CTDSPL2: variants seen among roughly 807,000 people sequenced by gnomAD.
CTDSPL2 encodes the protein CTD small phosphatase-like protein 2.
In CTDSPL2, 5 loss-of-function variants were observed where a neutral mutation model predicts 60.0. That is an observed-to-expected ratio of 0.08 (90% CI 0.04 to 0.18). CTDSPL2 has a LOEUF of 0.18. Ranked by LOEUF, CTDSPL2 falls within the 10% of genes least tolerant of loss-of-function variation. The pLI is 1.00. For synonymous variants in CTDSPL2, 186 were observed against 189.3 expected (o/e 0.98, Z 0.14); for missense variants, 370 against 548.8 (o/e 0.67, Z 3.26).
At chr15:44,485,503 C>G (rs951660718) in intron 3 of CTDSPL2, among the ~76,000 whole-genome samples, 2 of 152,166 alleles carry the variant, frequency 1.3e-5, no homozygotes, top group African/African-American at 4.8e-5. Context: ...ATCGCACAAC[C>G]TAGATCCCTT....
intron 10 of CTDSPL2, among the ~76,000 whole-genome samples, chr15:44,516,238 C>T (rs1395113777): frequency 6.6e-6 from 1 of 151,988 alleles, no homozygotes; most frequent in South Asian, 2.1e-4. Context: ...AAACTGCTGG[C>T]ATTACAGGCG....
chr15:44,470,871 C>T (rs1055148142), intron 2 of CTDSPL2, among the ~76,000 whole-genome samples: 1 of 151,988 alleles, frequency 6.6e-6, no homozygotes, highest in Non-Finnish European at 1.5e-5. Context: ...CCTTTCCTGT[C>T]ATTTGAGTGA....
At chr15:44,463,114 C>G (rs190969833) in intron 2 of CTDSPL2, among the ~76,000 whole-genome samples, 1 of 152,014 alleles carries the variant, frequency 6.6e-6, no homozygotes, top group Admixed American at 6.6e-5. Flanking sequence ...TACATAAGAT[C>G]GGGCAAAAAT....
At position 44,467,191 on chromosome 15, in the gene CTDSPL2, C is replaced by A. The variant is rs141956604; in HGVS notation, c.186+7991C>A. On this transcript the variant is annotated intron_variant, in intron 2 of 12. Coordinates refer to ENST00000260327, the MANE Select transcript of CTDSPL2 (RefSeq NM_016396.3). ...GCACATAGCACCCAGATCTTGGTTT[C>A]TAAATACTGTTCTCCACTAAAGGAA... Among the ~76,000 whole-genome samples, 461 of 152,322 alleles carry A rather than the reference C, an allele frequency of 3.0e-3. 2 individuals carry two copies. Among genetic ancestry groups the A allele is most frequent in the African/African-American group, 0.01 (435 of 41,558 alleles).
At chr15:44,488,132 G>A (rs1283263729) in intron 4 of CTDSPL2, among the ~76,000 whole-genome samples, 2 of 151,270 alleles carry the variant, frequency 1.3e-5, no homozygotes, top group Non-Finnish European at 3.0e-5. Flanking sequence ...AAAAGAAAAA[G>A]GAATAAAGAA....
intron 3 of CTDSPL2, 50 bp downstream of exon 3, chr15:44,484,412 A>T (rs1369908324): frequency 6.6e-7 from 1 of 1,516,832 alleles, no homozygotes; most frequent in Non-Finnish European, 9.1e-7. Context: ...CAGAGATCTC[A>T]CCTGACACAT....
chr15:44,500,818 GATTT>G (rs1283019168), intron 8 of CTDSPL2, among the ~76,000 whole-genome samples: 1 of 152,118 alleles, frequency 6.6e-6, no homozygotes, highest in African/African-American at 2.4e-5. Context: ...GTTGTAAGAG[GATTT>G]ATTTTAGTTG....
chr15:44,434,385 C>G (rs2079930112), intron 1 of CTDSPL2, among the ~76,000 whole-genome samples: 2 of 151,960 alleles, frequency 1.3e-5, no homozygotes, highest in African/African-American at 4.8e-5. Context: ...GACGGCAGAG[C>G]AAGACTCAGT....
intron 2 of CTDSPL2, among the ~76,000 whole-genome samples, chr15:44,470,224 C>T (rs977834400): frequency 6.8e-6 from 1 of 147,564 alleles, no homozygotes; most frequent in African/African-American, 2.6e-5. Flanking sequence ...TTGTCTACTT[C>T]ATTATCTGTC....
Position 44,525,477 on chromosome 15 carries a change from C to T in CTDSPL2, c.*1303C>T, listed in dbSNP as rs1489123958. ...TTGTAAAAGTTCGTATGCTTTGCCT[C>T]TCAACTGCATTAACATGCCACAGGC... On this transcript the variant is annotated 3_prime_UTR_variant, in exon 13 of 13. Transcript: ENST00000260327. The T allele has an allele frequency of 7.5e-6, 3 of 398,770 alleles. No individual in the cohort carries two copies. Among genetic ancestry groups the T allele is most frequent in the Non-Finnish European group, 1.3e-5 (3 of 225,972 alleles). The allele number at this position is 398,770 out of a possible 1,614,324, so 24.7% of individuals were successfully genotyped here. A position where few individuals can be genotyped will look rare whatever the true frequency, so the allele number is the denominator to read the frequency against.
At chr15:44,458,872 A>G (rs2080502732) in intron 1 of CTDSPL2, 119 bp from the exon 2 acceptor site, 1 of 551,446 alleles carries the variant, frequency 1.8e-6, no homozygotes, top group Non-Finnish European at 2.9e-6. Flanking sequence ...CCTAGAGTCT[A>G]GGACTTTTGT....
intron 12 of CTDSPL2, among the ~76,000 whole-genome samples, chr15:44,521,889 G>C (rs2081777415): frequency 8.6e-6 from 1 of 116,834 alleles, no homozygotes; most frequent in Admixed American, 1.3e-4. Context: ...AGTGAGCCGA[G>C]ATCGCGCCAC....
rs558336234 is a variant in CTDSPL2, at chr15:44,448,253, C to G, written c.-24-10738C>G. On this transcript the variant is annotated intron_variant, in intron 1 of 12. Coordinates refer to ENST00000260327, the MANE Select transcript of CTDSPL2 (RefSeq NM_016396.3). ...TGCTCCAGGCCGGAGCCACTGCGCT[C>G]CGTGACCTTGCCTGTGTGCTGGATG... The G allele has an allele frequency of 9.2e-5, 27 of 292,692 alleles. 1 individual carries two copies. The East Asian group carries it at 2.6e-3, about 28-fold the overall frequency. 18.1% of individuals were successfully genotyped at this position (292,692 alleles called of 1,614,324 possible).
intron 7 of CTDSPL2, among the ~76,000 whole-genome samples, chr15:44,498,040 AC>A (rs2081330723): frequency 6.6e-6 from 1 of 152,052 alleles, no homozygotes; most frequent in Non-Finnish European, 1.5e-5. Flanking sequence ...AGCTTTGAAA[AC>A]AATGATCTCC....
chr15:44,431,286 T>C (rs1332512065), intron 1 of CTDSPL2, among the ~76,000 whole-genome samples: 1 of 152,208 alleles, frequency 6.6e-6, no homozygotes, highest in Non-Finnish European at 1.5e-5. Flanking sequence ...TTGACAGATA[T>C]GGAACCCATG....
At position 44,528,882 on chromosome 15, in the gene CTDSPL2, T is replaced by A. The variant is rs1397103964; in HGVS notation, c.*4708T>A. ...GTTTCCACGTGAATCAATATTAAAGTCATGGACATTTTAAAATCTCAATTT... is the reference window on the plus strand; with the variant it reads ...GTTTCCACGTGAATCAATATTAAAGACATGGACATTTTAAAATCTCAATTT... On this transcript the variant is annotated 3_prime_UTR_variant, in exon 13 of 13. Coordinates refer to ENST00000260327, the MANE Select transcript of CTDSPL2 (RefSeq NM_016396.3). 1 of 152,176 alleles carries A rather than the reference T, an allele frequency of 6.6e-6. No individual in the cohort carries two copies. Among genetic ancestry groups the A allele is most frequent in the Non-Finnish European group, 1.5e-5 (1 of 68,004 alleles). 9.4% of individuals were successfully genotyped at this position (152,176 alleles called of 1,614,324 possible).
At chr15:44,461,026 T>C (rs1479087371) in intron 2 of CTDSPL2, among the ~76,000 whole-genome samples, 1 of 152,212 alleles carries the variant, frequency 6.6e-6, no homozygotes. Context: ...AACAGATCTG[T>C]GTTTCCTTAC....
chr15:44,484,500 C>A, intron 3 of CTDSPL2, 138 bp downstream of exon 3: 2 of 787,262 alleles, frequency 2.5e-6, no homozygotes, highest in Non-Finnish European at 4.0e-6. Context: ...TTTGGGAGGC[C>A]GAGGTCGGCG....
At chr15:44,441,882 G>T (rs2080095159) in intron 1 of CTDSPL2, among the ~76,000 whole-genome samples, 1 of 152,118 alleles carries the variant, frequency 6.6e-6, no homozygotes, top group South Asian at 2.1e-4. Flanking sequence ...TCTTTCTGGG[G>T]CTGTAGCTTG....
Sources: allele counts gnomAD v4.1 joint callset (sites outside exome capture counted in the v4.1 genomes callset), GRCh38; gene constraint gnomAD v4.1.1; transcripts MANE v1.5; gene names NCBI Gene and HGNC (gene_info 2026-07-23, HGNC 2026-07-21).